Variants in KCNK2 observed in about 807,000 individuals in gnomAD.
KCNK2 encodes the protein potassium two pore domain channel subfamily K member 2.
Under a neutral mutation model 40.5 loss-of-function variants are expected in KCNK2, and 21 were observed. That is an observed-to-expected ratio of 0.52 (90% CI 0.37 to 0.75). The LOEUF (loss-of-function observed/expected upper bound fraction) is 0.75. KCNK2 is among the 30% of genes least tolerant of loss of function. KCNK2 has a pLI of 0.00. For synonymous variants in KCNK2, 191 were observed against 202.2 expected (o/e 0.94, Z 0.47); for missense variants, 399 against 531.6 (o/e 0.75, Z 2.45).
At chr1:215,231,303 G>A in intron 6 of KCNK2, among the ~76,000 whole-genome samples, 1 of 152,106 alleles carries the variant, frequency 6.6e-6, no homozygotes, top group East Asian at 1.9e-4. Flanking sequence ...TGAGGCTGCT[G>A]GGAATTCTGA....
At chr1:215,014,871 T>A (rs1656531468) in intron 1 of KCNK2, among the ~76,000 whole-genome samples, 1 of 152,188 alleles carries the variant, frequency 6.6e-6, no homozygotes, top group South Asian at 2.1e-4. Context: ...TTTATCTTTC[T>A]GTCCAGTTGA....
At chr1:215,130,209 C>A (rs1039401373) in intron 3 of KCNK2, among the ~76,000 whole-genome samples, 2 of 152,142 alleles carry the variant, frequency 1.3e-5, no homozygotes, top group African/African-American at 4.8e-5. Flanking sequence ...ATCGTCAGGC[C>A]TACTTCATGA....
At chr1:215,065,527 T>C (rs1269777342) in intron 1 of KCNK2, among the ~76,000 whole-genome samples, 4 of 152,204 alleles carry the variant, frequency 2.6e-5, no homozygotes, top group African/African-American at 9.6e-5. Context: ...TGATGTCTTG[T>C]TACTGACTAG....
intron 2 of KCNK2, among the ~76,000 whole-genome samples, chr1:215,097,297 G>A (rs115356004): frequency 0.03 from 4,576 of 151,856 alleles, 94 homozygotes; most frequent in South Asian, 0.059. Flanking sequence ...GACAGCCATG[G>A]TTTTGCTCTC....
rs541774756 is a variant in KCNK2, at chr1:215,017,693, T to C, written c.34+11738T>C. ...CATGTATAGACTATAGCTAATAATG[T>C]ATACTTGAAAATTACTAGGAGAATA... On this transcript the variant is annotated intron_variant, in intron 1 of 6. Transcript: ENST00000391895. Among the ~76,000 whole-genome samples, 5 of 152,306 alleles carry C rather than the reference T, an allele frequency of 3.3e-5. No homozygotes were observed. The East Asian group carries it at 7.7e-4, about 24-fold the overall frequency.
intron 2 of KCNK2, among the ~76,000 whole-genome samples, chr1:215,109,637 G>A (rs1047688497): frequency 6.6e-6 from 1 of 151,892 alleles, no homozygotes; most frequent in African/African-American, 2.4e-5. Flanking sequence ...GGGCACTTAG[G>A]TTGATTCCAT....
intron 1 of KCNK2, among the ~76,000 whole-genome samples, chr1:215,034,938 C>T (rs1215232452): frequency 1.3e-5 from 2 of 151,964 alleles, no homozygotes; most frequent in African/African-American, 4.8e-5. Context: ...ATTCTAATTG[C>T]CCTCACCTAT....
At chr1:215,097,764 G>C (rs1660042804) in intron 2 of KCNK2, among the ~76,000 whole-genome samples, 1 of 151,926 alleles carries the variant, frequency 6.6e-6, no homozygotes, top group Admixed American at 6.6e-5. Context: ...ATATTTCCTT[G>C]TGGTCCTTTG....
At chr1:215,022,593 A>AT (rs1188923487) in intron 1 of KCNK2, among the ~76,000 whole-genome samples, 4 of 152,042 alleles carry the variant, frequency 2.6e-5, no homozygotes, top group African/African-American at 9.7e-5. Context: ...GGCACAGGAT[A>AT]TTTTTTTAAA....
At position 215,169,324 on chromosome 1, in the gene KCNK2, G is replaced by A; in HGVS notation, c.601G>A (p.Gly201Arg). 1 of 1,612,568 alleles carries A rather than the reference G, an allele frequency of 6.2e-7. No homozygotes were observed. The highest frequency in any genetic ancestry group is 2.2e-5 in the East Asian group (1 of 44,752). Residue 201 changes from glycine (G) to arginine (R), a missense_variant, in exon 4 of 7, where the codon GGA becomes AGA. This residue lies in a region of KCNK2 where 279 missense variants were observed against 353.8 expected (regional missense o/e 0.79). Coordinates refer to ENST00000444842, the MANE Select transcript of KCNK2 (RefSeq NM_001017425.3). ...TGGAGATCAGCTAGGCACCATATTT[G>A]GAAAAGGAATTGCCAAAGTGGAAGA... ...GVGDQLGTIF[G>R]KGIAKVEDTF...
chr1:215,007,185 GTATA>G (rs1162302568), intron 1 of KCNK2, among the ~76,000 whole-genome samples: 2,205 of 30,222 alleles, frequency 0.073, 27 homozygotes, highest in Non-Finnish European at 0.1. Context: ...ATGTGTGTGG[GTATA>G]TATATATATA....
chr1:215,023,804 A>C (rs1044104779), intron 1 of KCNK2, among the ~76,000 whole-genome samples: 8 of 152,220 alleles, frequency 5.3e-5, no homozygotes, highest in African/African-American at 1.9e-4. Context: ...GCTCAAAGCT[A>C]TGTTGATTTA....
At chr1:215,082,399 C>T (rs865781961), upstream of KCNK2, among the ~76,000 whole-genome samples, 4 of 152,126 alleles carry the variant, frequency 2.6e-5, no homozygotes, top group African/African-American at 7.2e-5. Flanking sequence ...TCCAAGGACT[C>T]GCGTCCCAGA....
intron 1 of KCNK2, among the ~76,000 whole-genome samples, chr1:215,038,697 T>C (rs552322070): frequency 6.6e-6 from 1 of 152,138 alleles, no homozygotes; most frequent in Non-Finnish European, 1.5e-5. Flanking sequence ...CCTTGGTATA[T>C]TTTAAAGAAA....
chr1:215,111,720 G>A (rs1660691123), intron 2 of KCNK2, among the ~76,000 whole-genome samples: 1 of 151,960 alleles, frequency 6.6e-6, no homozygotes, highest in African/African-American at 2.4e-5. Flanking sequence ...TAATTCATAT[G>A]CCTCTGTTAC....
upstream of KCNK2, among the ~76,000 whole-genome samples, chr1:215,081,146 C>G (rs1180003167): frequency 7.0e-6 from 1 of 142,240 alleles, no homozygotes. Context: ...AATCTGTTAC[C>G]CCACACACGT....
At chr1:215,122,822 T>C in intron 2 of KCNK2, among the ~76,000 whole-genome samples, 1 of 146,248 alleles carries the variant, frequency 6.8e-6, no homozygotes, top group Non-Finnish European at 1.5e-5. Flanking sequence ...CTCGGCTCAC[T>C]GCAAGCTCCG....
chr1:215,169,389 A>G (rs1471578948), intron 4 of KCNK2, 30 bp downstream of exon 4: 17 of 1,516,258 alleles, frequency 1.1e-5, no homozygotes, highest in Non-Finnish European at 1.4e-5. Context: ...AACTACGTAT[A>G]TTTATTGTTT....
At chr1:215,187,585 A>G (rs1366454529) in intron 5 of KCNK2, among the ~76,000 whole-genome samples, 1 of 152,134 alleles carries the variant, frequency 6.6e-6, no homozygotes, top group Non-Finnish European at 1.5e-5. Flanking sequence ...TCAAAATTAG[A>G]GAAAAGTGAA....
Sources: gnomAD v4.1 joint callset for allele counts (sites outside exome capture counted in the v4.1 genomes callset) on GRCh38, gnomAD v4.1.1 for gene constraint, gnomAD v4.1.1 regional missense constraint, MANE v1.5 for transcripts, NCBI Gene and HGNC (gene_info 2026-07-23, HGNC 2026-07-21) for gene names.